RAB11FIP3: variants seen among roughly 807,000 people sequenced by gnomAD.
RAB11FIP3 encodes the protein rab11 family-interacting protein 3.
Under a neutral mutation model 77.8 loss-of-function variants are expected in RAB11FIP3, and 17 were observed. The observed-to-expected ratio is 0.22, with a 90% CI of 0.15 to 0.33. RAB11FIP3 has a LOEUF of 0.33. Ranked by LOEUF, RAB11FIP3 falls within the 10% of genes least tolerant of loss-of-function variation. The probability of loss-of-function intolerance (pLI) is 1.00; values close to 1 mark genes in which losing one functional copy is unlikely to be tolerated. For synonymous variants in RAB11FIP3, 437 were observed against 448.2 expected (o/e 0.98, Z 0.31); for missense variants, 1,005 against 1,011.2 (o/e 0.99, Z 0.08).
chr16:458,203 G>T (rs888613101), intron 1 of RAB11FIP3, among the ~76,000 whole-genome samples: 1 of 152,248 alleles, frequency 6.6e-6, no homozygotes, highest in African/African-American at 2.4e-5. Flanking sequence ...TTGCTCTGGT[G>T]CCCTGTGTGC....
intron 9 of RAB11FIP3, among the ~76,000 whole-genome samples, chr16:512,086 G>A (rs2032205480): frequency 6.6e-6 from 1 of 152,200 alleles, no homozygotes; most frequent in African/African-American, 2.4e-5. Flanking sequence ...TAGAAAAAGG[G>A]GCAAAGCTAT....
At position 520,816 on chromosome 16, in the gene RAB11FIP3, C is replaced by G. The variant is rs1231946764; in HGVS notation, c.2248C>G (p.Pro750Ala). 2 of 1,613,688 alleles carry G rather than the reference C, an allele frequency of 1.2e-6. No individual in the cohort carries two copies. Among genetic ancestry groups the G allele is most frequent in the Admixed American group, 3.3e-5 (2 of 60,012 alleles). The change falls in exon 14 of 14, where the codon CCG (proline) becomes GCG (alanine). Residue 750 changes from proline (P) to alanine (A), a missense_variant. Physicochemically the swap from Pro to Ala is conservative, Grantham distance 27. This residue lies in a region of RAB11FIP3 where 90 missense variants were observed against 129.7 expected (regional missense o/e 0.69). Coordinates refer to ENST00000262305, the MANE Select transcript of RAB11FIP3 (RefSeq NM_014700.4). Reference sequence around the variant, plus strand: ...CATCGTGGCCATCATGGAGACCAACCCGTCCATCCTGGAGGTCAAGTAGAG... The same window carrying G: ...CATCGTGGCCATCATGGAGACCAACGCGTCCATCCTGGAGGTCAAGTAGAG... Reference protein sequence around the residue: ...RIIVAIMETNPSILEVK With the variant: ...RIIVAIMETNASILEVK
intron 6 of RAB11FIP3, among the ~76,000 whole-genome samples, chr16:497,680 C>T (rs1266348944): frequency 6.6e-6 from 1 of 152,152 alleles, no homozygotes; most frequent in East Asian, 1.9e-4. Flanking sequence ...CCTCTAGCTC[C>T]CTGGCCCCGT....
In RAB11FIP3 at chr16:426,577, C is replaced by T. The variant is rs370035889; in HGVS notation, c.571C>T (p.His191Tyr). The T allele has an allele frequency of 4.4e-6, 7 of 1,596,410 alleles. No homozygotes were observed. Among genetic ancestry groups the T allele is most frequent in the Admixed American group, 3.5e-5 (2 of 57,652 alleles). Residue 191 changes from histidine (H) to tyrosine (Y), a missense_variant, in exon 1 of 14, where the codon CAC becomes TAC. Transcript: ENST00000262305. This position sits in a 1 kb window ranked among gnomAD's most constrained non-coding sequence, Gnocchi z 5.0. ...GCAGCCCTCGGACCTCAGCCAGACCCACCCCCTTCCGAGCGAGCCCGTGGG... is the reference window on the plus strand; with the variant it reads ...GCAGCCCTCGGACCTCAGCCAGACCTACCCCCTTCCGAGCGAGCCCGTGGG... ...PPQPSDLSQT[H>Y]PLPSEPVGSQ...
intron 1 of RAB11FIP3, among the ~76,000 whole-genome samples, chr16:445,586 G>C (rs1203798126): frequency 6.6e-6 from 1 of 152,200 alleles, no homozygotes; most frequent in Admixed American, 6.5e-5. Flanking sequence ...CTCTGGTCTG[G>C]TATGGGGGGA....
chr16:505,562 G>A lies in RAB11FIP3; in HGVS notation c.1434G>A (p.Lys478=), dbSNP rs149648167. The change falls in exon 8 of 14, where the codon AAG becomes AAA. Residue 478 remains lysine, a synonymous_variant. Coordinates refer to ENST00000262305, the MANE Select transcript of RAB11FIP3 (RefSeq NM_014700.4). The surrounding 1 kb of genome is among the most constrained non-coding windows in gnomAD (Gnocchi z 4.0). The part of the protein sequence containing the change: ...FLERRVLELE[K]DTAATGEQHS... ...AAAGGCGTGTGCTGGAGCTGGAAAA[G>A]GACACGGCAGCCACCGGTGAGCAAC... is the stretch of plus-strand genomic sequence containing the variant. 28 of 1,607,784 alleles carry A rather than the reference G, an allele frequency of 1.7e-5. No individual in the cohort carries two copies. The highest frequency in any genetic ancestry group is 3.3e-5 in the Admixed American group (2 of 59,914).
At chr16:485,580 T>C (rs1206513985) in intron 4 of RAB11FIP3, among the ~76,000 whole-genome samples, 1 of 152,080 alleles carries the variant, frequency 6.6e-6, no homozygotes, top group Non-Finnish European at 1.5e-5. Flanking sequence ...GCCCAGCTAA[T>C]TTTTGTAGTT....
chr16:479,248 G>A (rs1008171531), intron 3 of RAB11FIP3, among the ~76,000 whole-genome samples: 1 of 152,020 alleles, frequency 6.6e-6, no homozygotes, highest in East Asian at 1.9e-4. Flanking sequence ...CAAAATCAGC[G>A]AGGTGTGGTG....
chr16:483,574 C>T lies in RAB11FIP3; in HGVS notation c.1115+838C>T, dbSNP rs959395257. Among the ~76,000 whole-genome samples, 2 of 152,170 alleles carry T rather than the reference C, an allele frequency of 1.3e-5. 1 individual carries two copies. The highest frequency in any genetic ancestry group is 2.9e-5 in the Non-Finnish European group (2 of 68,022). Reference sequence around the variant, plus strand: ...TGAAAGAAATCCGAGTATTTTACCCCAAAATAGATTTCTTTGACATTTTTC... The same window carrying T: ...TGAAAGAAATCCGAGTATTTTACCCTAAAATAGATTTCTTTGACATTTTTC... On this transcript the variant is annotated intron_variant, in intron 4 of 13. Transcript: ENST00000262305.
At chr16:458,822 T>G (rs2055554215) in intron 1 of RAB11FIP3, among the ~76,000 whole-genome samples, 1 of 152,226 alleles carries the variant, frequency 6.6e-6, no homozygotes, top group African/African-American at 2.4e-5. Flanking sequence ...TGGCCCACAC[T>G]TCTTTCTTCT....
intron 6 of RAB11FIP3, among the ~76,000 whole-genome samples, chr16:499,212 C>CA (rs1349019702): frequency 1.3e-5 from 2 of 151,966 alleles, no homozygotes; most frequent in African/African-American, 2.4e-5. Flanking sequence ...GACTCCATCT[C>CA]AAAAAAAGAA....
chr16:426,056 C>T lies in RAB11FIP3; in HGVS notation c.50C>T (p.Pro17Leu). The change falls in exon 1 of 14, where the codon CCC becomes CTC. Residue 17 changes from proline to leucine, a missense_variant. Pro to Leu is a moderately conservative substitution (Grantham distance 98). Coordinates refer to ENST00000262305, the MANE Select transcript of RAB11FIP3 (RefSeq NM_014700.4). This position sits in a 1 kb window ranked among gnomAD's most constrained non-coding sequence, Gnocchi z 5.0. ...CCCCCGGGCTCGGAGCCGCCGGGGC[C>T]CGACCCGGAGCCGGGCGGGCCGGAC... ...ASPPGSEPPG[P>L]DPEPGGPDGP... 1.0e-6 allele frequency: 1 copy of T among 999,612 alleles called. No individual in the cohort carries two copies. The highest frequency in any genetic ancestry group is 1.2e-6 in the Non-Finnish European group (1 of 840,962). The allele number at this position is 999,612 out of a possible 1,614,324, so 61.9% of individuals were successfully genotyped here.
chr16:464,986 C>G (rs1232066249), intron 2 of RAB11FIP3, among the ~76,000 whole-genome samples: 2 of 152,078 alleles, frequency 1.3e-5, no homozygotes, highest in Non-Finnish European at 2.9e-5. Flanking sequence ...TTGGTACTTG[C>G]TGGGCCGGCT....
rs148265897 is a variant in RAB11FIP3 at position 436,936 on chromosome 16, A to G, written c.714+10216A>G. ...TAGGAAGAATAAGTCCTAGTGTTCT[A>G]TATCACTGTAGGATGACTGTAGTTA... is the stretch of plus-strand genomic sequence containing the variant. On this transcript the variant is annotated intron_variant, in intron 1 of 13. Coordinates refer to ENST00000262305, the MANE Select transcript of RAB11FIP3 (RefSeq NM_014700.4). Among the ~76,000 whole-genome samples, 1,241 of 152,218 alleles carry G rather than the reference A, an allele frequency of 8.2e-3. 18 individuals are homozygous for G. The highest frequency in any genetic ancestry group is 0.028 in the African/African-American group (1,180 of 41,540).
intron 1 of RAB11FIP3, among the ~76,000 whole-genome samples, chr16:455,749 C>T (rs1444393474): frequency 6.6e-6 from 1 of 152,006 alleles, no homozygotes; most frequent in African/African-American, 2.4e-5. Context: ...GCACGTGGAC[C>T]GACGAATTTT....
At chr16:492,149 G>A (rs1231874160) in intron 5 of RAB11FIP3, among the ~76,000 whole-genome samples, 4 of 152,228 alleles carry the variant, frequency 2.6e-5, no homozygotes, top group Non-Finnish European at 4.4e-5. Flanking sequence ...ACTGCCCACG[G>A]CCTTATTGAG....
rs2054936684 is a variant in RAB11FIP3, at chr16:426,127, C to T, written c.121C>T (p.Leu41Phe). ...QLAPGPAELR[L>F]GAPVGGPDPQ... ...GGCTCCGGGCCCTGCGGAGCTACGC[C>T]TCGGAGCGCCCGTCGGCGGCCCCGA... The change falls in exon 1 of 14, where the codon CTC (leucine) becomes TTC (phenylalanine). Residue 41 changes from leucine to phenylalanine, a missense_variant. This residue lies in a region of RAB11FIP3 where 466 missense variants were observed against 408.3 expected (regional missense o/e 1.14). Transcript: ENST00000262305. The surrounding 1 kb of genome is among the most constrained non-coding windows in gnomAD (Gnocchi z 5.0). 8 of 1,010,450 alleles carry T rather than the reference C, an allele frequency of 7.9e-6. No individual in the cohort carries two copies. Among genetic ancestry groups the T allele is most frequent in the South Asian group, 8.9e-5 (2 of 22,362 alleles). The allele number at this position is 1,010,450 out of a possible 1,614,324, so 62.6% of individuals were successfully genotyped here. A position where few individuals can be genotyped will look rare whatever the true frequency, so the allele number is the denominator to read the frequency against.
At chr16:494,581 C>T (rs556952161) in intron 5 of RAB11FIP3, among the ~76,000 whole-genome samples, 2 of 152,042 alleles carry the variant, frequency 1.3e-5, no homozygotes, top group South Asian at 2.1e-4. Flanking sequence ...GAGATCATGC[C>T]ACTGCACTCC....
At position 425,977 on chromosome 16, in the gene RAB11FIP3, G is replaced by T. The variant is rs1370468540; in HGVS notation, c.-30G>T. 1.3e-6 allele frequency: 1 copy of T among 770,414 alleles called. No individual in the cohort carries two copies. The allele number at this position is 770,414 out of a possible 1,614,324, so 47.7% of individuals were successfully genotyped here. ...CTGAGCGCCTTTGTCTGCCGCCCGC[G>T]CCCTTCCGCACCACTAGCCTCTCGG... On this transcript the variant is annotated 5_prime_UTR_variant, in exon 1 of 14. Coordinates refer to ENST00000262305, the MANE Select transcript of RAB11FIP3 (RefSeq NM_014700.4).
Sources: gnomAD v4.1 joint callset for allele counts (sites outside exome capture counted in the v4.1 genomes callset) on GRCh38, gnomAD v4.1.1 for gene constraint, gnomAD v4.1.1 regional missense constraint, Gnocchi (gnomAD v3.1) non-coding constraint, MANE v1.5 for transcripts, NCBI Gene and HGNC (gene_info 2026-07-23, HGNC 2026-07-21) for gene names.